SH3GL3: variants seen among roughly 807,000 people sequenced by gnomAD.
The protein encoded by SH3GL3 is endophilin-A3.
In SH3GL3, 33 loss-of-function variants were observed where a neutral mutation model predicts 47.7. The observed-to-expected ratio is 0.69, with a 90% CI of 0.52 to 0.92. The LOEUF is 0.92. SH3GL3 is among the 40% of genes least tolerant of loss of function. The probability of loss-of-function intolerance (pLI) is 0.00; values close to 1 mark genes in which losing one functional copy is unlikely to be tolerated. For missense variants in SH3GL3, 363 were observed against 417.8 expected (o/e 0.87, Z 1.14); for synonymous variants, 155 against 148.8 (o/e 1.04, Z -0.30).
intron 1 of SH3GL3, among the ~76,000 whole-genome samples, chr15:83,450,781 A>C (rs971834270): frequency 4.7e-5 from 1 of 21,258 alleles, no homozygotes; most frequent in Non-Finnish European, 9.0e-5. Flanking sequence ...TTTTAAGGTT[A>C]TAGATTTTCT....
At chr15:83,631,802 G>C in the SH3GL3 span, among the ~76,000 whole-genome samples, 1 of 152,326 alleles carries the variant, frequency 6.6e-6, no homozygotes, top group East Asian at 1.9e-4. Flanking sequence ...GAAGGTCTCT[G>C]ACATGCCCTG....
intron 1 of SH3GL3, among the ~76,000 whole-genome samples, chr15:83,512,592 C>T (rs1279763237): frequency 6.6e-6 from 1 of 152,158 alleles, no homozygotes; most frequent in African/African-American, 2.4e-5. Context: ...GTGTCTGCCC[C>T]TGTAAGGGAG....
At chr15:83,565,450 C>A in intron 3 of SH3GL3, 1 of 432,444 alleles carries the variant, frequency 2.3e-6, no homozygotes, top group African/African-American at 2.0e-5. Flanking sequence ...GTCATAGCAA[C>A]AAGAGAGCAC....
intron 1 of SH3GL3, among the ~76,000 whole-genome samples, chr15:83,507,206 C>CTCT (rs1242202200): frequency 1.3e-5 from 2 of 151,924 alleles, no homozygotes; most frequent in African/African-American, 4.8e-5. Flanking sequence ...GACAGGGTTT[C>CTCT]ACCGTGTTAA....
chr15:83,471,900 T>G (rs369868064), intron 1 of SH3GL3, among the ~76,000 whole-genome samples: 1 of 152,180 alleles, frequency 6.6e-6, no homozygotes, highest in Non-Finnish European at 1.5e-5. Flanking sequence ...CTTTTTTTTT[T>G]GAGACAGAGT....
chr15:83,496,042 C>G (rs1596107356), intron 1 of SH3GL3, among the ~76,000 whole-genome samples: 1 of 151,868 alleles, frequency 6.6e-6, no homozygotes, highest in African/African-American at 2.4e-5. Flanking sequence ...TTCCATTTGC[C>G]TTGAATTAAA....
chr15:83,448,364 G>A lies in SH3GL3; in HGVS notation c.45+786G>A, dbSNP rs1162971268. On this transcript the variant is annotated intron_variant, in intron 1 of 8. Transcript: ENST00000427482. The surrounding 1 kb of genome is among the most constrained non-coding windows in gnomAD (Gnocchi z 4.2). ...GAATTAAGTATGAGGAAGAATTATG[G>A]CTGAGGGTGTGGGATGATAGGAGGA... 6.6e-6 allele frequency among the ~76,000 whole-genome samples: 1 copy of A among 151,888 alleles called. No individual in the cohort carries two copies. The highest frequency in any genetic ancestry group is 1.9e-4 in the East Asian group (1 of 5,150).
rs1297098200 is a variant in SH3GL3 at position 83,447,933 on chromosome 15, T to C, written c.45+355T>C. Among the ~76,000 whole-genome samples, 1 of 152,054 alleles carries C rather than the reference T, an allele frequency of 6.6e-6. No individual in the cohort carries two copies. Among genetic ancestry groups the C allele is most frequent in the African/African-American group, 2.4e-5 (1 of 41,416 alleles). ...GGGAGGACGACCACAGGGAGTACGA[T>C]GCCGGCAGGGCCTCCCCCGAGTCTC... On this transcript the variant is annotated intron_variant, in intron 1 of 8. Coordinates refer to ENST00000427482, the MANE Select transcript of SH3GL3 (RefSeq NM_003027.5). This position sits in a 1 kb window ranked among gnomAD's most constrained non-coding sequence, Gnocchi z 5.1.
At position 83,496,014 on chromosome 15, in the gene SH3GL3, C is replaced by T. The variant is rs894021825; in HGVS notation, c.45+48436C>T. On this transcript the variant is annotated intron_variant, in intron 1 of 8. Coordinates refer to ENST00000427482, the MANE Select transcript of SH3GL3 (RefSeq NM_003027.5). ...GGAGGAGAAAGGAGGCAAAGAAACA[C>T]GTATATGGATTTGCGTCTTCCATTT... Among the ~76,000 whole-genome samples, 11 of 151,712 alleles carry T rather than the reference C, an allele frequency of 7.3e-5. No homozygotes were observed. The South Asian group carries it at 8.3e-4, about 11-fold the overall frequency.
intron 1 of SH3GL3, among the ~76,000 whole-genome samples, chr15:83,525,455 C>A (rs1392048576): frequency 6.6e-6 from 1 of 151,698 alleles, no homozygotes; most frequent in Non-Finnish European, 1.5e-5. Context: ...TGAATATGTT[C>A]TCCCATTCAA....
rs368127067 is a variant in SH3GL3 at position 83,480,911 on chromosome 15, C to T, written c.45+33333C>T. On this transcript the variant is annotated intron_variant, in intron 1 of 8. Coordinates refer to ENST00000427482, the MANE Select transcript of SH3GL3 (RefSeq NM_003027.5). ...CCTGGAACCATTCCCCCATGGATAC[C>T]GAGGGGTAGCTGTACATTTATTGGT... Among the ~76,000 whole-genome samples, 47 of 152,098 alleles carry T rather than the reference C, an allele frequency of 3.1e-4. 1 individual carries two copies. In the East Asian group the frequency reaches 3.9e-3, roughly 13 times the overall value.
chr15:83,471,336 G>A (rs2040820379), intron 1 of SH3GL3, among the ~76,000 whole-genome samples: 1 of 152,160 alleles, frequency 6.6e-6, no homozygotes, highest in East Asian at 1.9e-4. Context: ...CTTTTGTAAG[G>A]TTAAATTAAA....
chr15:83,476,350 A>C (rs1225128267), intron 1 of SH3GL3, among the ~76,000 whole-genome samples: 1 of 152,222 alleles, frequency 6.6e-6, no homozygotes, highest in Non-Finnish European at 1.5e-5. Flanking sequence ...CCATTGCATG[A>C]AATAAATCTG....
intron 8 of SH3GL3, among the ~76,000 whole-genome samples, chr15:83,597,796 G>A (rs1047241751): frequency 2.0e-5 from 3 of 152,022 alleles, no homozygotes; most frequent in African/African-American, 7.2e-5. Flanking sequence ...TTTTAGTAGA[G>A]ACGGGGTTTC....
At chr15:83,593,073 T>C (rs2060149637) in intron 8 of SH3GL3, among the ~76,000 whole-genome samples, 1 of 152,264 alleles carries the variant, frequency 6.6e-6, no homozygotes, top group Non-Finnish European at 1.5e-5. Context: ...TTTCTATTCT[T>C]GTACAATTGT....
chr15:83,555,916 T>C (rs185544403), intron 1 of SH3GL3, among the ~76,000 whole-genome samples: 1 of 152,250 alleles, frequency 6.6e-6, no homozygotes, highest in Non-Finnish European at 1.5e-5. Flanking sequence ...TATTCTGTTT[T>C]TGAGCATTGC....
At chr15:83,513,944 G>T (rs2042878128) in intron 1 of SH3GL3, among the ~76,000 whole-genome samples, 1 of 152,164 alleles carries the variant, frequency 6.6e-6, no homozygotes, top group Non-Finnish European at 1.5e-5. Flanking sequence ...TTCACTTTAG[G>T]TTAGGACATA....
chr15:83,515,272 A>G (rs2042933898), intron 1 of SH3GL3, among the ~76,000 whole-genome samples: 1 of 152,212 alleles, frequency 6.6e-6, no homozygotes, highest in Non-Finnish European at 1.5e-5. Context: ...TGTCATTAGC[A>G]TTTCAAAGAA....
intron 1 of SH3GL3, among the ~76,000 whole-genome samples, chr15:83,523,390 G>T (rs1328869142): frequency 6.6e-6 from 1 of 152,164 alleles, no homozygotes; most frequent in Non-Finnish European, 1.5e-5. Context: ...AGTGGTGCGG[G>T]GTGGGCTGCC....
Sources: allele counts gnomAD v4.1 joint callset (sites outside exome capture counted in the v4.1 genomes callset), GRCh38; gene constraint gnomAD v4.1.1; non-coding constraint Gnocchi (gnomAD v3.1); transcripts MANE v1.5; gene names NCBI Gene and HGNC (gene_info 2026-07-23, HGNC 2026-07-21).